Variants in ZNF268 observed in about 807,000 individuals in gnomAD.
ZNF268 encodes zinc finger protein 3.
ZNF268 carries 20 observed loss-of-function variants against 29.3 expected under a neutral mutation model. The observed-to-expected ratio is 0.68, with a 90% confidence interval of 0.48 to 0.99. The LOEUF (loss-of-function observed/expected upper bound fraction) is 0.99, where lower values mean the gene tolerates loss of function less well. Ranked by LOEUF, ZNF268 falls within the 50% of genes least tolerant of loss-of-function variation. ZNF268 has a pLI of 0.00. For synonymous variants in ZNF268, 429 were observed against 376.9 expected (o/e 1.14, Z -1.60); for missense variants, 1,240 against 1,121.6 (o/e 1.11, Z -1.51).
Position 133,207,345 on chromosome 12 carries a change from A to G in ZNF268, c.*2815A>G, listed in dbSNP as rs1317691949. ...TTTGTGAACATAGGTTTAAAAATCC[A>G]TATTTGTGAACATAGGTTTAAAAAT... On this transcript the variant is annotated 3_prime_UTR_variant, in exon 6 of 6. Transcript: ENST00000536435. The G allele has an allele frequency of 2.6e-5, 1 of 38,900 alleles. No homozygotes were observed. Among genetic ancestry groups the G allele is most frequent in the Non-Finnish European group, 5.8e-5 (1 of 17,138 alleles). The allele number at this position is 38,900 out of a possible 1,614,324, so 2.4% of individuals were successfully genotyped here.
At chr12:133,182,103 A>G (rs1956191751) in intron 2 of ZNF268, 73 bp downstream of exon 2, 15 of 1,468,310 alleles carry the variant, frequency 1.0e-5, no homozygotes, top group Non-Finnish European at 1.3e-5. Context: ...CATCTACTCC[A>G]GTCTGAATTT....
intron 4 of ZNF268, 140 bp downstream of exon 4, chr12:133,191,755 C>T (rs1956481391): frequency 1.4e-6 from 2 of 1,455,768 alleles, no homozygotes; most frequent in East Asian, 2.3e-5. Context: ...TCCCTATTGG[C>T]AGCAGAGTAT....
chr12:133,212,445 TTATATA>T lies in ZNF268; in HGVS notation c.*7963_*7968del, dbSNP rs565059550. 404 of 118,172 alleles carry T rather than the reference TTATATA, an allele frequency of 3.4e-3. No homozygotes were observed. The highest frequency in any genetic ancestry group is 4.3e-3 in the Non-Finnish European group (230 of 54,016). The allele number at this position is 118,172 out of a possible 1,614,324, so 7.3% of individuals were successfully genotyped here. ...CCAAGGGAGACTTTCATGTGTGATT[TTATATA>T]TATATATATATATATATATATATAT... On this transcript the variant is annotated 3_prime_UTR_variant, in exon 6 of 6. Coordinates refer to ENST00000536435, the MANE Select transcript of ZNF268 (RefSeq NM_003415.3).
rs1277101419 is a variant in ZNF268 at position 133,203,042 on chromosome 12, C to T, written c.1356C>T (p.Ala452=). 6.5e-7 allele frequency: 1 copy of T among 1,540,332 alleles called. No homozygotes were observed. Among genetic ancestry groups the T allele is most frequent in the Non-Finnish European group, 8.7e-7 (1 of 1,148,338 alleles). ...KPYVCSDCGK[A]FTFKSQLIVH... ...ATGTTTGTAGTGATTGTGGAAAAGC[C>T]TTTACATTCAAGTCACAGCTCATTG... Residue 452 remains alanine, a synonymous_variant, in exon 6 of 6, where the codon GCC becomes GCT. Coordinates refer to ENST00000536435, the MANE Select transcript of ZNF268 (RefSeq NM_003415.3).
At chr12:133,187,142 T>C (rs1956341749) in intron 2 of ZNF268, among the ~76,000 whole-genome samples, 1 of 152,204 alleles carries the variant, frequency 6.6e-6, no homozygotes, top group South Asian at 2.1e-4. Flanking sequence ...TCATGGCATT[T>C]CATTCATTGT....
In ZNF268 at chr12:133,203,288, G is replaced by A. The variant is rs1956802207; in HGVS notation, c.1602G>A (p.Gly534=). The A allele has an allele frequency of 1.3e-6, 2 of 1,539,800 alleles. No homozygotes were observed. Among genetic ancestry groups the A allele is most frequent in the East Asian group, 4.9e-5 (2 of 40,928 alleles). The change falls in exon 6 of 6, where the codon GGG becomes GGA. Residue 534 remains glycine, a synonymous_variant. Transcript: ENST00000536435. ...GEKLHECNNC[G]KAFSFKSQLI... ...AACTCCATGAATGCAACAATTGTGG[G>A]AAAGCCTTCAGTTTTAAATCACAGC... is the stretch of plus-strand genomic sequence containing the variant.
At chr12:133,184,357 A>C (rs1291807856) in intron 2 of ZNF268, among the ~76,000 whole-genome samples, 4 of 151,910 alleles carry the variant, frequency 2.6e-5, no homozygotes, top group Non-Finnish European at 5.9e-5. Context: ...CACCTGTCTC[A>C]GCCTCCCAAA....
intron 5 of ZNF268, among the ~76,000 whole-genome samples, chr12:133,195,547 A>T (rs1485145009): frequency 6.6e-6 from 1 of 152,048 alleles, no homozygotes; most frequent in Non-Finnish European, 1.5e-5. Flanking sequence ...TTTACCAAAA[A>T]TTTTTAAAAA....
chr12:133,203,951 T>G lies in ZNF268; in HGVS notation c.2265T>G (p.Ser755Arg). 1 of 1,594,416 alleles carries G rather than the reference T, an allele frequency of 6.3e-7. No individual in the cohort carries two copies. The highest frequency in any genetic ancestry group is 8.5e-7 in the Non-Finnish European group (1 of 1,172,292). The change falls in exon 6 of 6, where the codon AGT becomes AGG. Residue 755 changes from serine to arginine, a missense_variant. By Grantham distance (110) the Ser-to-Arg change is moderately radical. Coordinates refer to ENST00000536435, the MANE Select transcript of ZNF268 (RefSeq NM_003415.3). Reference protein sequence around the residue: ...IHTGENPYECSECGKAFNRKD... With the variant: ...IHTGENPYECRECGKAFNRKD... The stretch of plus-strand genomic sequence containing the variant: ...CAGGAGAAAATCCCTATGAATGCAG[T>G]GAATGTGGGAAAGCCTTTAATAGGA...
In ZNF268 at chr12:133,187,922, C is replaced by T; in HGVS notation, c.84C>T (p.Leu28=). Residue 28 remains leucine, a synonymous_variant, in exon 3 of 6, where the codon CTC becomes CTT. Coordinates refer to ENST00000536435, the MANE Select transcript of ZNF268 (RefSeq NM_003415.3). ...RNSSWDRIRK[L]QGQESILGQG... ...GTTCATGGGATAGGATCAGAAAGCTCCAAGGTCAGGAATCCATCTTGGGCC... is the reference window on the plus strand; with the variant it reads ...GTTCATGGGATAGGATCAGAAAGCTTCAAGGTCAGGAATCCATCTTGGGCC... The T allele has an allele frequency of 1.2e-6, 2 of 1,600,860 alleles. No homozygotes were observed. Among genetic ancestry groups the T allele is most frequent in the Non-Finnish European group, 1.7e-6 (2 of 1,173,588 alleles).
At chr12:133,190,005 T>C (rs1258627969) in intron 3 of ZNF268, among the ~76,000 whole-genome samples, 3 of 70,070 alleles carry the variant, frequency 4.3e-5, no homozygotes, top group Non-Finnish European at 9.5e-5. Context: ...AGACGAAGTT[T>C]CACCATGTTA....
chr12:133,191,194 G>A (rs2135496789), intron 3 of ZNF268, among the ~76,000 whole-genome samples: 2 of 152,152 alleles, frequency 1.3e-5, no homozygotes, highest in South Asian at 2.1e-4. Context: ...GTGGGTGCCT[G>A]TAGTCCCAGC....
rs767485477 is a variant in ZNF268 at position 133,203,771 on chromosome 12, A to G, written c.2085A>G (p.Pro695=). ...VHQRSHTGVK[P]YGCSECGKAF... Reference sequence around the variant, plus strand: ...AGAGAAGTCACACAGGAGTAAAACCATATGGATGCAGTGAGTGTGGGAAAG... The same window carrying G: ...AGAGAAGTCACACAGGAGTAAAACCGTATGGATGCAGTGAGTGTGGGAAAG... Residue 695 remains proline (P), a synonymous_variant, in exon 6 of 6, where the codon CCA becomes CCG. Transcript: ENST00000536435. 3.8e-6 allele frequency: 6 copies of G among 1,563,240 alleles called. No individual in the cohort carries two copies. The highest frequency in any genetic ancestry group is 8.6e-7 in the Non-Finnish European group (1 of 1,161,050).
chr12:133,191,322 A>C, intron 3 of ZNF268, 167 bp from the exon 4 acceptor site: 1 of 719,126 alleles, frequency 1.4e-6, no homozygotes, highest in Non-Finnish European at 2.1e-6. Context: ...GTCTCAACAA[A>C]AAAAAAAAAA....
rs1491216644 is a variant in ZNF268, at chr12:133,205,174, C to CAAAAAAAAA, written c.*644_*645insAAAAAAAAA. The CAAAAAAAAA allele has an allele frequency of 2.2e-4, 8 of 36,226 alleles. No homozygotes were observed. Among genetic ancestry groups the CAAAAAAAAA allele is most frequent in the Non-Finnish European group, 4.8e-4 (7 of 14,576 alleles). The allele number at this position is 36,226 out of a possible 1,614,324, so 2.2% of individuals were successfully genotyped here. Reference sequence around the variant, plus strand: ...AAAAAAAAAAAAAAAAAAAAAAAAACCAACCTGTTATTATATCTTAATATT... The same window carrying CAAAAAAAAA: ...AAAAAAAAAAAAAAAAAAAAAAAAACAAAAAAAAACAACCTGTTATTATATCTTAATATT... On this transcript the variant is annotated 3_prime_UTR_variant, in exon 6 of 6. Coordinates refer to ENST00000536435, the MANE Select transcript of ZNF268 (RefSeq NM_003415.3).
intron 4 of ZNF268, 59 bp from the exon 5 acceptor site, chr12:133,191,849 C>T (rs1319331281): frequency 1.9e-6 from 3 of 1,584,396 alleles, no homozygotes; most frequent in Middle Eastern, 1.7e-4. Context: ...TCCCGTTCTT[C>T]AGAATCTCTG....
Position 133,208,926 on chromosome 12 carries a change from T to C in ZNF268, c.*4396T>C, listed in dbSNP as rs1055732560. On this transcript the variant is annotated 3_prime_UTR_variant, in exon 6 of 6. Coordinates refer to ENST00000536435, the MANE Select transcript of ZNF268 (RefSeq NM_003415.3). ...ACTCCCTGTGGATGCTCAAGCTCCTTATATGGCATAGTATTTGCATTTTTT... is the reference window on the plus strand; with the variant it reads ...ACTCCCTGTGGATGCTCAAGCTCCTCATATGGCATAGTATTTGCATTTTTT... The C allele has an allele frequency of 6.6e-5, 10 of 151,182 alleles. No homozygotes were observed. Among genetic ancestry groups the C allele is most frequent in the African/African-American group, 2.4e-4 (10 of 41,002 alleles). 9.4% of individuals were successfully genotyped at this position (151,182 alleles called of 1,614,324 possible). A position where few individuals can be genotyped will look rare whatever the true frequency, so the allele number is the denominator to read the frequency against.
rs758134250 is a variant in ZNF268, at chr12:133,202,472, G to A, written c.786G>A (p.Ser262=). The change falls in exon 6 of 6, where the codon TCG becomes TCA. Residue 262 remains serine, a synonymous_variant. Coordinates refer to ENST00000536435, the MANE Select transcript of ZNF268 (RefSeq NM_003415.3). ...IESGKTVNKK[S]QLMCQQMYMG... ...CTGGAAAAACCGTCAATAAGAAATC[G>A]CAACTTATGTGCCAACAAATGTATA... 2.7e-5 allele frequency: 44 copies of A among 1,611,764 alleles called. 2 individuals carry two copies. Among genetic ancestry groups the A allele is most frequent in the Admixed American group, 1.0e-4 (6 of 59,564 alleles).
chr12:133,194,135 T>C (rs1231099514), intron 5 of ZNF268, among the ~76,000 whole-genome samples: 8 of 152,216 alleles, frequency 5.3e-5, no homozygotes, highest in Non-Finnish European at 7.3e-5. Flanking sequence ...AATTTATTCA[T>C]TGTACTCTTT....
Sources: allele counts gnomAD v4.1 joint callset (sites outside exome capture counted in the v4.1 genomes callset), GRCh38; gene constraint gnomAD v4.1.1; transcripts MANE v1.5; gene names NCBI Gene and HGNC (gene_info 2026-07-23, HGNC 2026-07-21).